Variants in IMMP2L observed in about 807,000 individuals in gnomAD.
The protein encoded by IMMP2L is inner mitochondrial membrane peptidase subunit 2.
Under a neutral mutation model 19.3 loss-of-function variants are expected in IMMP2L, and 18 were observed. The observed-to-expected ratio is 0.93, with a 90% CI of 0.64 to 1.38. The LOEUF (loss-of-function observed/expected upper bound fraction) is 1.38. Ranked by LOEUF, IMMP2L falls within the 40% of genes most tolerant of loss-of-function variation. IMMP2L has a pLI of 0.00. For synonymous variants in IMMP2L, 76 were observed against 73.0 expected (o/e 1.04, Z -0.21); for missense variants, 233 against 218.2 (o/e 1.07, Z -0.43).
intron 1 of IMMP2L, among the ~76,000 whole-genome samples, chr7:111,533,816 A>C (rs1480416905): frequency 2.0e-5 from 3 of 152,116 alleles, no homozygotes; most frequent in Non-Finnish European, 4.4e-5. Flanking sequence ...ACATTTTACA[A>C]AATCCAGAAA....
intron 4 of IMMP2L, among the ~76,000 whole-genome samples, chr7:110,908,763 C>G (rs1563073030): frequency 6.6e-6 from 1 of 152,190 alleles, no homozygotes; most frequent in Non-Finnish European, 1.5e-5. Flanking sequence ...CAGAATAAAT[C>G]TGTATCTATG....
chr7:110,969,008 CT>C (rs1819861289), intron 3 of IMMP2L, among the ~76,000 whole-genome samples: 2 of 152,096 alleles, frequency 1.3e-5, no homozygotes, highest in Non-Finnish European at 2.9e-5. Flanking sequence ...TTCAGGTTCT[CT>C]TTCATGGGAG....
intron 3 of IMMP2L, among the ~76,000 whole-genome samples, chr7:111,153,710 A>G (rs1478133986): frequency 2.0e-5 from 3 of 152,090 alleles, no homozygotes; most frequent in Non-Finnish European, 4.4e-5. Flanking sequence ...TCACCTTTTA[A>G]TGAGAACTAT....
chr7:111,262,097 T>C lies in IMMP2L; in HGVS notation c.239+225141A>G, dbSNP rs114240007. ...AAGAATTCAATCAATAAATACACAG[T>C]AGAACCTACTATGGCTGGGTATCAT... On this transcript the variant is annotated intron_variant, in intron 3 of 5. Transcript: ENST00000405709. Among the ~76,000 whole-genome samples the C allele has an allele frequency of 8.6e-3, 1,303 of 152,166 alleles. 21 individuals carry two copies. The highest frequency in any genetic ancestry group is 0.03 in the African/African-American group (1,236 of 41,506).
At chr7:111,539,477 T>C (rs1224573122) in intron 1 of IMMP2L, among the ~76,000 whole-genome samples, 3 of 152,020 alleles carry the variant, frequency 2.0e-5, no homozygotes, top group Non-Finnish European at 4.4e-5. Flanking sequence ...TTTTAGGAAG[T>C]GTTTAGTTAG....
chr7:111,250,106 CCAA>C (rs776026130), intron 3 of IMMP2L, among the ~76,000 whole-genome samples: 7 of 152,098 alleles, frequency 4.6e-5, no homozygotes, highest in Non-Finnish European at 1.0e-4. Flanking sequence ...TTCCTATACA[CCAA>C]CAACAGAAAA....
intron 1 of IMMP2L, among the ~76,000 whole-genome samples, chr7:111,556,039 T>TATATATATATATATATATATAC (rs1192398339): frequency 1.6e-4 from 22 of 139,624 alleles, no homozygotes; most frequent in Non-Finnish European, 2.8e-4. Flanking sequence ...TATATATACA[T>TATATATATATATATATATATAC]ACCCAAAGAA....
chr7:110,920,115 C>A (rs1339808559), intron 4 of IMMP2L, among the ~76,000 whole-genome samples: 1 of 152,074 alleles, frequency 6.6e-6, no homozygotes, highest in African/African-American at 2.4e-5. Context: ...TGTTGGCTTC[C>A]CTACTTTTGA....
intron 3 of IMMP2L, among the ~76,000 whole-genome samples, chr7:111,083,900 T>C (rs1205851152): frequency 1.3e-5 from 2 of 152,252 alleles, no homozygotes; most frequent in Non-Finnish European, 2.9e-5. Flanking sequence ...AAATCATTTC[T>C]ATTTTCTGAA....
chr7:110,932,863 C>T (rs1815664226), intron 4 of IMMP2L, among the ~76,000 whole-genome samples: 1 of 152,116 alleles, frequency 6.6e-6, no homozygotes, highest in Non-Finnish European at 1.5e-5. Context: ...TTCCATGTTG[C>T]CTTTCTGGAG....
chr7:111,195,680 A>T (rs1809393483), intron 3 of IMMP2L, among the ~76,000 whole-genome samples: 1 of 152,054 alleles, frequency 6.6e-6, no homozygotes, highest in Non-Finnish European at 1.5e-5. Context: ...TGACTACCCT[A>T]TGAGTTCCTT....
At chr7:111,047,256 T>C (rs1283606556) in intron 3 of IMMP2L, among the ~76,000 whole-genome samples, 1 of 152,078 alleles carries the variant, frequency 6.6e-6, no homozygotes, top group Non-Finnish European at 1.5e-5. Flanking sequence ...TGGTGTGATC[T>C]TGGCTCACCA....
intron 5 of IMMP2L, among the ~76,000 whole-genome samples, chr7:110,792,333 A>G (rs1420224176): frequency 6.6e-6 from 1 of 151,806 alleles, no homozygotes; most frequent in African/African-American, 2.4e-5. Context: ...TACTGAGTTG[A>G]TACCATTTTT....
Position 111,459,626 on chromosome 7 carries a change from T to C in IMMP2L, c.239+27612A>G, listed in dbSNP as rs190918627. On this transcript the variant is annotated intron_variant, in intron 3 of 5. Transcript: ENST00000405709. ...AAGCAAAAGTGGTATGTGATACTTC[T>C]AGTCAAAAGTTTCAAGTGCCATTTA... Among the ~76,000 whole-genome samples, 320 of 152,286 alleles carry C rather than the reference T, an allele frequency of 2.1e-3. 2 individuals are homozygous for C. The highest frequency in any genetic ancestry group is 4.7e-3 in the Admixed American group (72 of 15,294).
intron 4 of IMMP2L, among the ~76,000 whole-genome samples, chr7:110,942,618 A>G (rs556568313): frequency 6.6e-6 from 1 of 151,962 alleles, no homozygotes; most frequent in Non-Finnish European, 1.5e-5. Context: ...AAACACTGAC[A>G]GTTTAGCTCA....
At chr7:111,091,542 T>C (rs1053342622) in intron 3 of IMMP2L, 1 of 152,212 alleles carries the variant, frequency 6.6e-6, no homozygotes, top group Non-Finnish European at 1.5e-5. Flanking sequence ...AAATACGTTC[T>C]ATTTCTTGTC....
intron 5 of IMMP2L, among the ~76,000 whole-genome samples, chr7:110,831,267 T>C (rs1803947325): frequency 6.6e-6 from 1 of 152,148 alleles, no homozygotes; most frequent in South Asian, 2.1e-4. Flanking sequence ...ACAGCTTCTC[T>C]CTAACTTTTC....
At chr7:110,668,972 T>A (rs1042373577) in intron 5 of IMMP2L, among the ~76,000 whole-genome samples, 1 of 151,616 alleles carries the variant, frequency 6.6e-6, no homozygotes, top group African/African-American at 2.4e-5. Flanking sequence ...GGTACAGTTT[T>A]GACTTGCATA....
chr7:110,955,971 T>C (rs557586027), intron 4 of IMMP2L, among the ~76,000 whole-genome samples: 1 of 152,116 alleles, frequency 6.6e-6, no homozygotes, highest in Admixed American at 6.6e-5. Context: ...TTTGTAGTTT[T>C]ACTGGGGAAA....
Sources: gnomAD v4.1 joint callset for allele counts (sites outside exome capture counted in the v4.1 genomes callset) on GRCh38, gnomAD v4.1.1 for gene constraint, MANE v1.5 for transcripts, NCBI Gene and HGNC (gene_info 2026-07-23, HGNC 2026-07-21) for gene names.